Variants in SH3D21 observed in about 807,000 individuals in gnomAD.
SH3D21 encodes manchette microtubule inner protein 1.
A neutral mutation model predicts 82.1 loss-of-function variants in SH3D21; 83 were observed. That is an observed-to-expected ratio of 1.01 (90% CI 0.85 to 1.21). SH3D21 has a LOEUF of 1.21. Ranked by LOEUF, SH3D21 falls within the 50% of genes most tolerant of loss-of-function variation. The probability of loss-of-function intolerance (pLI) is 0.00; values close to 1 mark genes in which losing one functional copy is unlikely to be tolerated. For synonymous variants in SH3D21, 383 were observed against 387.8 expected, an observed-to-expected ratio of 0.99 and a Z score of 0.15; for missense variants, 980 against 962.1, an observed-to-expected ratio of 1.02 and a Z score of -0.25.
rs1482456293 is a variant in SH3D21, at chr1:36,307,094, G to T, written c.227-73G>T. ...GCTGGAGGGACCAAAGGCTACGTGC[G>T]CGCCTTGCGCTTCCCCCAGCTCCTC... is the stretch of plus-strand genomic sequence containing the variant. On this transcript the variant is annotated intron_variant, in intron 3 of 15. Coordinates refer to ENST00000453908, the MANE Select transcript of SH3D21 (RefSeq NM_001162530.2). This position sits in a 1 kb window ranked among gnomAD's most constrained non-coding sequence, Gnocchi z 5.4. 9 of 1,539,278 alleles carry T rather than the reference G, an allele frequency of 5.8e-6. No individual in the cohort carries two copies. The highest frequency in any genetic ancestry group is 7.9e-6 in the Non-Finnish European group (9 of 1,140,202).
chr1:36,326,734 G>A (rs1010026090), downstream of SH3D21, among the ~76,000 whole-genome samples: 6 of 152,304 alleles, frequency 3.9e-5, no homozygotes, highest in Non-Finnish European at 7.3e-5. Context: ...GTGGAGAGGC[G>A]AGAGGGCTCA....
In SH3D21 at chr1:36,321,087, A is replaced by G; in HGVS notation, c.2231A>G (p.Gln744Arg). The stretch of plus-strand genomic sequence containing the variant: ...GTGATGCAGGGGACCCAGAAGTCCC[A>G]GACCCCGCGCGTCATCCACACGCAG... Reference protein sequence around the residue: ...VQVMQGTQKSQTPRVIHTQTQ... With the variant: ...VQVMQGTQKSRTPRVIHTQTQ... Residue 744 changes from glutamine (Q) to arginine (R), a missense_variant, in exon 16 of 16, where the codon CAG becomes CGG. Coordinates refer to ENST00000453908, the MANE Select transcript of SH3D21 (RefSeq NM_001162530.2). The surrounding 1 kb of genome is among the most constrained non-coding windows in gnomAD (Gnocchi z 6.1). 6.2e-7 allele frequency: 1 copy of G among 1,612,374 alleles called. No homozygotes were observed. The highest frequency in any genetic ancestry group is 8.5e-7 in the Non-Finnish European group (1 of 1,179,480).
At chr1:36,325,151 C>G (rs1646529141), downstream of SH3D21, among the ~76,000 whole-genome samples, 2 of 152,090 alleles carry the variant, frequency 1.3e-5, no homozygotes, top group South Asian at 4.1e-4. Context: ...AGCCTCCCAT[C>G]TCATTCTCCC....
chr1:36,310,024 G>A (rs767174802), intron 10 of SH3D21, among the ~76,000 whole-genome samples: 22 of 151,658 alleles, frequency 1.5e-4, no homozygotes, highest in Admixed American at 3.9e-4. Context: ...GCTCAATCTC[G>A]GCTCACTGCA....
chr1:36,319,401 G>C (rs1294338513), intron 12 of SH3D21, 41 bp from the exon 13 acceptor site: 1 of 1,550,818 alleles, frequency 6.4e-7, no homozygotes, highest in Admixed American at 2.0e-5. Flanking sequence ...AGAGACTGAG[G>C]GTCAGAGTAG....
Position 36,319,293 on chromosome 1 carries a change from G to A in SH3D21, c.897G>A (p.Lys299=). ...TSRTPSRDSQ[K]LTSRDSGPNG... is the part of the protein sequence containing the mutation. Reference sequence around the variant, plus strand: ...GGACACCCAGCAGGGACAGTCAGAAGCTCACCTCCCGAGACTCAGGCAAGG... The same window carrying A: ...GGACACCCAGCAGGGACAGTCAGAAACTCACCTCCCGAGACTCAGGCAAGG... Residue 299 remains lysine, a synonymous_variant, in exon 12 of 16, where the codon AAG becomes AAA. Coordinates refer to ENST00000453908, the MANE Select transcript of SH3D21 (RefSeq NM_001162530.2). 6.4e-7 allele frequency: 1 copy of A among 1,551,668 alleles called. No homozygotes were observed. The highest frequency in any genetic ancestry group is 1.2e-5 in the South Asian group (1 of 84,056).
At position 36,319,792 on chromosome 1, in the gene SH3D21, A is replaced by G. The variant is rs201753653; in HGVS notation, c.1129A>G (p.Ile377Val). The change falls in exon 14 of 16, where the codon ATC (isoleucine) becomes GTC (valine). Residue 377 changes from isoleucine to valine, a missense_variant. Ile to Val is a conservative substitution (Grantham distance 29, BLOSUM62 3). Coordinates refer to ENST00000453908, the MANE Select transcript of SH3D21 (RefSeq NM_001162530.2). Reference sequence around the variant, plus strand: ...AGAGAACGCCCCCAGCTCCAAGAAGATCCCGGCTCCTGACAAAGTCCCCTC... The same window carrying G: ...AGAGAACGCCCCCAGCTCCAAGAAGGTCCCGGCTCCTGACAAAGTCCCCTC... ...APENAPSSKKIPAPDKVPSPE... is the reference protein window; with the variant it reads ...APENAPSSKKVPAPDKVPSPE... The G allele has an allele frequency of 3.9e-4, 634 of 1,613,538 alleles. No homozygotes were observed. The highest frequency in any genetic ancestry group is 5.0e-4 in the Non-Finnish European group (590 of 1,179,900).
rs372370041 is a variant in SH3D21 at position 36,320,347 on chromosome 1, C to A, written c.1684C>A (p.Arg562Ser). The A allele has an allele frequency of 6.2e-7, 1 of 1,613,396 alleles. No individual in the cohort carries two copies. The highest frequency in any genetic ancestry group is 8.5e-7 in the Non-Finnish European group (1 of 1,179,994). Residue 562 changes from arginine to serine, a missense_variant, in exon 14 of 16, where the codon CGC becomes AGC. By Grantham distance (110) the Arg-to-Ser change is moderately radical. Transcript: ENST00000453908. ...CCTAGTTAGAGGGGACAGCTCCCCA[C>A]GCCAGGCTGAGTTGAAGTCTGGGCC... ...CTLVRGDSSP[R>S]QAELKSGPAS...
rs368925035 is a variant in SH3D21, at chr1:36,318,498, C to T, written c.770-573C>T. On this transcript the variant is annotated intron_variant, in intron 10 of 15. Transcript: ENST00000453908. ...AAGAATTCTGAGAGTGGGCTGGGCG[C>T]GATGGCTCACACCTGTAATGCCAGC... Among the ~76,000 whole-genome samples the T allele has an allele frequency of 6.6e-5, 10 of 152,104 alleles. No individual in the cohort carries two copies. In the East Asian group the frequency reaches 1.2e-3, roughly 18 times the overall value.
At chr1:36,321,360 C>G (rs1447280785), downstream of SH3D21, 17 of 1,376,818 alleles carry the variant, frequency 1.2e-5, no homozygotes, top group African/African-American at 2.5e-4. This position sits in a 1 kb window ranked among gnomAD's most constrained non-coding sequence, Gnocchi z 6.1. Flanking sequence ...AAGGCCTGCG[C>G]GCGGCTATTT....
rs563465053 is a variant in SH3D21, at chr1:36,317,224, TGTTA to T, written c.770-1843_770-1840del. On this transcript the variant is annotated intron_variant, in intron 10 of 15. Coordinates refer to ENST00000453908, the MANE Select transcript of SH3D21 (RefSeq NM_001162530.2). ...CCTCACAACCACCCTACAAGGTGTGTGTTAGTTGTCCATGTTTTATGAATGAGGA... is the reference window on the plus strand; with the variant it reads ...CCTCACAACCACCCTACAAGGTGTGTGTTGTCCATGTTTTATGAATGAGGA... Among the ~76,000 whole-genome samples the T allele has an allele frequency of 3.4e-4, 52 of 152,292 alleles. No homozygotes were observed. The South Asian group carries it at 7.7e-3, about 22-fold the overall frequency.
At chr1:36,312,140 T>A (rs1646252693) in intron 10 of SH3D21, among the ~76,000 whole-genome samples, 1 of 152,090 alleles carries the variant, frequency 6.6e-6, no homozygotes, top group African/African-American at 2.4e-5. Context: ...TTCTGCTGCC[T>A]CAGCCTCCCG....
At chr1:36,308,019 TTGG>T (rs1385971734) in intron 7 of SH3D21, 56 bp downstream of exon 7, 5 of 1,550,816 alleles carry the variant, frequency 3.2e-6, no homozygotes, top group Non-Finnish European at 4.4e-6. Flanking sequence ...AGGTTGTGAC[TTGG>T]TGGGCCAGCT....
chr1:36,328,623 T>G, downstream of SH3D21: 1 of 184,700 alleles, frequency 5.4e-6, no homozygotes, highest in Non-Finnish European at 1.2e-5. Flanking sequence ...ACTACAAAAA[T>G]TAGCTGGACA....
chr1:36,328,456 T>TA (rs1646565306), downstream of SH3D21: 1 of 297,650 alleles, frequency 3.4e-6, no homozygotes. Flanking sequence ...GGAAAGAGGG[T>TA]ACTGGCAAAA....
downstream of SH3D21, among the ~76,000 whole-genome samples, chr1:36,326,377 A>T (rs1646545676): frequency 6.6e-6 from 1 of 151,996 alleles, no homozygotes; most frequent in African/African-American, 2.4e-5. Flanking sequence ...GATTACAGGC[A>T]TGCACAACCA....
chr1:36,322,419 A>G (rs1183627516), downstream of SH3D21: 2 of 1,602,220 alleles, frequency 1.2e-6, no homozygotes, highest in Non-Finnish European at 1.7e-6. Context: ...GCGCTCCTCC[A>G]GCCGCTGCGC....
rs747493104 is a variant in SH3D21, at chr1:36,319,943, C to G, written c.1280C>G (p.Ser427Cys). The change falls in exon 14 of 16, where the codon TCT (serine) becomes TGT (cysteine). Residue 427 changes from serine to cysteine, a missense_variant. Ser to Cys is a moderately radical substitution (Grantham distance 112). Transcript: ENST00000453908. Reference protein sequence around the residue: ...EKMVTPEDKASIPENSIIPEE... With the variant: ...EKMVTPEDKACIPENSIIPEE... ...ATGGTGACTCCGGAGGACAAGGCTT[C>G]TATCCCAGAGAACTCCATCATCCCA... The G allele has an allele frequency of 2.2e-5, 35 of 1,613,976 alleles. No individual in the cohort carries two copies. Among genetic ancestry groups the G allele is most frequent in the Non-Finnish European group, 2.8e-5 (33 of 1,180,022 alleles).
chr1:36,313,932 T>A (rs1646288257), intron 10 of SH3D21, among the ~76,000 whole-genome samples: 1 of 150,782 alleles, frequency 6.6e-6, no homozygotes, highest in African/African-American at 2.4e-5. Flanking sequence ...GTGGCTTTGA[T>A]TTGCATTTCT....
Sources: allele counts gnomAD v4.1 joint callset (sites outside exome capture counted in the v4.1 genomes callset), GRCh38; gene constraint gnomAD v4.1.1; non-coding constraint Gnocchi (gnomAD v3.1); transcripts MANE v1.5; gene names NCBI Gene and HGNC (gene_info 2026-07-23, HGNC 2026-07-21).